OPHN1: variants seen among roughly 807,000 people sequenced by gnomAD.
OPHN1 encodes oligophrenin-1.
In OPHN1, 11 loss-of-function variants were observed where a neutral mutation model predicts 60.7. The ratio of observed to expected loss-of-function variants is 0.18; its 90% confidence interval spans 0.11 to 0.30. The LOEUF (loss-of-function observed/expected upper bound fraction) is 0.30. Among genes scored for constraint, OPHN1 ranks in the 10% least tolerant of loss-of-function variants. The pLI is 1.00. For missense variants in OPHN1, 449 were observed against 611.0 expected (o/e 0.73, Z 2.80); for synonymous variants, 226 against 222.6 (o/e 1.02, Z -0.14).
chrX:68,130,564 C>T, intron 15 of OPHN1, among the ~76,000 whole-genome samples: 1 of 110,997 alleles, frequency 9.0e-6, no homozygotes, highest in Non-Finnish European at 1.9e-5. Flanking sequence ...AAAATATTTA[C>T]AAAGTATTTT....
chrX:68,168,266 C>A (rs5965506), intron 15 of OPHN1, among the ~76,000 whole-genome samples: 38,659 of 109,753 alleles, frequency 0.35, 5,678 homozygotes, highest in African/African-American at 0.53. Flanking sequence ...AAGCTCTCCT[C>A]AGCAAATGTA....
intron 19 of OPHN1, among the ~76,000 whole-genome samples, chrX:68,083,832 T>A (rs1218143008): frequency 4.5e-5 from 5 of 111,371 alleles, no homozygotes; most frequent in Non-Finnish European, 7.5e-5. Context: ...TAGGGAAGCA[T>A]GAGAGGGAGA....
chrX:68,062,548 T>C (rs1025278666), intron 21 of OPHN1, among the ~76,000 whole-genome samples: 7 of 112,413 alleles, frequency 6.2e-5, no homozygotes, highest in African/African-American at 1.9e-4. Flanking sequence ...GGCCATAGTC[T>C]GCCAAGCCCT....
chrX:68,329,457 T>C (rs1002866429), intron 2 of OPHN1, among the ~76,000 whole-genome samples: 1 of 112,175 alleles, frequency 8.9e-6, no homozygotes, highest in Non-Finnish European at 1.9e-5. Flanking sequence ...TATAAGTAAA[T>C]GAATAAATAA....
At chrX:68,226,814 T>C (rs1156575293) in intron 6 of OPHN1, among the ~76,000 whole-genome samples, 1 of 111,712 alleles carries the variant, frequency 9.0e-6, no homozygotes, top group Non-Finnish European at 1.9e-5. Context: ...AGGAAGAAAC[T>C]GCATCAACTA....
In OPHN1 at chrX:68,351,873, C is replaced by CTT. The variant is rs58051308; in HGVS notation, c.155-52779_155-52778dup. On this transcript the variant is annotated intron_variant, in intron 2 of 24. Transcript: ENST00000355520. ...CACCACGCCTGGCTAATTTTTTTTT[C>CTT]TTTTTTTTTTTTTTTTTTTTTGAGA... is the stretch of plus-strand genomic sequence containing the variant. 6.1e-4 allele frequency among the ~76,000 whole-genome samples: 18 copies of CTT among 29,535 alleles called. 1 individual carries two copies. The highest frequency in any genetic ancestry group is 8.9e-4 in the Admixed American group (2 of 2,255). The allele number at this position is 29,535 out of a possible 115,157, so 25.6% of individuals were successfully genotyped here. A position where few individuals can be genotyped will look rare whatever the true frequency, so the allele number is the denominator to read the frequency against.
intron 4 of OPHN1, among the ~76,000 whole-genome samples, chrX:68,280,678 A>G (rs1350437753): frequency 3.6e-5 from 4 of 111,963 alleles, no homozygotes; most frequent in Non-Finnish European, 7.5e-5. Context: ...CCTAATAAAA[A>G]TGAATATTGA....
intron 2 of OPHN1, among the ~76,000 whole-genome samples, chrX:68,367,224 T>G (rs1420542980): frequency 9.2e-5 from 10 of 108,920 alleles, no homozygotes; most frequent in African/African-American, 3.3e-4. Flanking sequence ...TGTGCTGGTG[T>G]GCACCTGTAA....
intron 23 of OPHN1, among the ~76,000 whole-genome samples, chrX:68,050,086 A>G (rs1303014048): frequency 1.8e-5 from 2 of 111,906 alleles, no homozygotes; most frequent in Non-Finnish European, 3.8e-5. Flanking sequence ...AGCAACAATG[A>G]CCATAGACGG....
chrX:68,263,821 G>C (rs1019383211), intron 5 of OPHN1, among the ~76,000 whole-genome samples: 1 of 111,245 alleles, frequency 9.0e-6, no homozygotes, highest in Non-Finnish European at 1.9e-5. Flanking sequence ...ATTTCAAAAA[G>C]AAAAAATAAA....
At chrX:68,264,458 A>G (rs2077911608) in intron 5 of OPHN1, among the ~76,000 whole-genome samples, 1 of 112,316 alleles carries the variant, frequency 8.9e-6, no homozygotes, top group Non-Finnish European at 1.9e-5. Context: ...ATATGAACAG[A>G]CACTTCTCAA....
chrX:68,333,622 T>C (rs1348331945), intron 2 of OPHN1, among the ~76,000 whole-genome samples: 1 of 109,124 alleles, frequency 9.2e-6, no homozygotes, highest in African/African-American at 3.3e-5. Context: ...GCAACAAGAG[T>C]GAAACTCCGT....
chrX:68,420,847 G>GA (rs34592755), intron 2 of OPHN1, among the ~76,000 whole-genome samples: 7,624 of 64,931 alleles, frequency 0.12, 393 homozygotes, highest in African/African-American at 0.19. Flanking sequence ...ATTCTCAACA[G>GA]AAAAAAAAAA....
At chrX:68,268,758 AG>A (rs2077948259) in intron 5 of OPHN1, among the ~76,000 whole-genome samples, 1 of 111,457 alleles carries the variant, frequency 9.0e-6, no homozygotes, top group Non-Finnish European at 1.9e-5. Context: ...AGGCAGGAGA[AG>A]GAAATAAAGG....
intron 8 of OPHN1, among the ~76,000 whole-genome samples, chrX:68,211,353 T>C (rs990826788): frequency 4.5e-5 from 5 of 112,254 alleles, no homozygotes; most frequent in African/African-American, 1.3e-4. Context: ...CTCTGAACTT[T>C]TTAAAAACCT....
intron 15 of OPHN1, 28 bp downstream of exon 15, chrX:68,192,891 A>G (rs145903731): frequency 2.7e-6 from 3 of 1,118,936 alleles, no homozygotes; most frequent in East Asian, 3.0e-5. Flanking sequence ...AGTACTCCCA[A>G]TAAGAATTAT....
intron 2 of OPHN1, among the ~76,000 whole-genome samples, chrX:68,377,655 C>A (rs2078567444): frequency 9.2e-6 from 1 of 108,424 alleles, no homozygotes; most frequent in Non-Finnish European, 1.9e-5. Flanking sequence ...TGTTCAATTC[C>A]CACCTACGAG....
At chrX:68,224,494 C>CA (rs1172310564) in intron 6 of OPHN1, among the ~76,000 whole-genome samples, 2 of 110,180 alleles carry the variant, frequency 1.8e-5, no homozygotes, top group Non-Finnish European at 3.8e-5. Context: ...CTCAATTCTA[C>CA]AAAAAATAAA....
In OPHN1 at chrX:68,155,237, CA is replaced by C. The variant is rs202183989; in HGVS notation, c.1277-35906del. On this transcript the variant is annotated intron_variant, in intron 15 of 24. Transcript: ENST00000355520. ...TTCTCTCATCTACAGTTTTGGCACA[CA>C]AAAAAAGGAAAATGAAAAATTTACG... Among the ~76,000 whole-genome samples the C allele has an allele frequency of 8.4e-3, 932 of 111,542 alleles. 6 individuals carry two copies. Among genetic ancestry groups the C allele is most frequent in the South Asian group, 0.073 (190 of 2,617 alleles).
Sources: allele counts gnomAD v4.1 joint callset (sites outside exome capture counted in the v4.1 genomes callset), GRCh38; gene constraint gnomAD v4.1.1; transcripts MANE v1.5; gene names NCBI Gene and HGNC (gene_info 2026-07-23, HGNC 2026-07-21).